Variants in RBFOX3 observed in about 807,000 individuals in gnomAD.
The protein encoded by RBFOX3 is RNA binding protein fox-1 homolog 3.
A neutral mutation model predicts 48.7 loss-of-function variants in RBFOX3; 17 were observed. That is an observed-to-expected ratio of 0.35 (90% confidence interval 0.24 to 0.52). The LOEUF is 0.52. Among genes scored for constraint, RBFOX3 ranks in the 20% least tolerant of loss-of-function variants. The pLI is 0.94. For synonymous variants in RBFOX3, 212 were observed against 209.5 expected, an observed-to-expected ratio of 1.01 and a Z score of -0.10; for missense variants, 382 against 497.5, an observed-to-expected ratio of 0.77 and a Z score of 2.21.
chr17:79,295,362 G>A (rs948523676), intron 3 of RBFOX3, among the ~76,000 whole-genome samples: 5 of 152,206 alleles, frequency 3.3e-5, no homozygotes, highest in African/African-American at 1.2e-4. Flanking sequence ...ATCAAGATTC[G>A]TTTTGTAGGG....
intron 4 of RBFOX3, among the ~76,000 whole-genome samples, chr17:79,194,913 T>TTTTGTTTGTTTG (rs56228526): frequency 0.79 from 120,095 of 151,868 alleles, 47,934 homozygotes; most frequent in Non-Finnish European, 0.85. Context: ...GTGCCCCCAG[T>TTTTGTTTGTTTG]TTTGTTTGTT....
chr17:79,400,857 A>G (rs1306166394), intron 2 of RBFOX3, among the ~76,000 whole-genome samples: 1 of 151,672 alleles, frequency 6.6e-6, no homozygotes, highest in Non-Finnish European at 1.5e-5. Context: ...AAGTCCCCAC[A>G]CTCTCCTAAG....
the RBFOX3 span, among the ~76,000 whole-genome samples, chr17:79,625,787 C>T: frequency 1.7e-4 from 26 of 152,286 alleles, no homozygotes; most frequent in Middle Eastern, 3.4e-3. Flanking sequence ...AGCAAAACTC[C>T]GTCTCAAAAA....
In RBFOX3 at chr17:79,103,377, G is replaced by T. The variant is rs2076799917; in HGVS notation, c.415-123C>A. 2.9e-6 allele frequency: 2 copies of T among 699,990 alleles called. No homozygotes were observed. The highest frequency in any genetic ancestry group is 2.5e-6 in the Non-Finnish European group (1 of 396,888). The allele number at this position is 699,990 out of a possible 1,614,324, so 43.4% of individuals were successfully genotyped here. On this transcript the variant is annotated intron_variant, in intron 7 of 14. Coordinates refer to ENST00000693108, the MANE Select transcript of RBFOX3 (RefSeq NM_001350451.2). The surrounding 1 kb of genome is among the most constrained non-coding windows in gnomAD (Gnocchi z 6.1). ...GGGAGTGGGGAGAGAGAGAGAAGGG[G>T]TTGAGTCAGGTGAGTTGAGGCAGAG...
chr17:79,369,708 C>T (rs1172091327), intron 2 of RBFOX3, among the ~76,000 whole-genome samples: 1 of 152,194 alleles, frequency 6.6e-6, no homozygotes, highest in African/African-American at 2.4e-5. Context: ...TGCCTCCCCT[C>T]TCCCTAGAGG....
chr17:79,247,948 C>A (rs1178524163), intron 3 of RBFOX3, among the ~76,000 whole-genome samples: 1 of 152,028 alleles, frequency 6.6e-6, no homozygotes, highest in Admixed American at 6.5e-5. Context: ...AGCACAGTGC[C>A]TGGCCCACAA....
intron 2 of RBFOX3, among the ~76,000 whole-genome samples, chr17:79,381,928 G>A (rs1414604442): frequency 6.6e-6 from 1 of 152,118 alleles, no homozygotes; most frequent in African/African-American, 2.4e-5. Flanking sequence ...ACCGAAACCC[G>A]GTGTCACCAT....
At chr17:79,370,409 C>G (rs2058356283) in intron 2 of RBFOX3, among the ~76,000 whole-genome samples, 1 of 152,208 alleles carries the variant, frequency 6.6e-6, no homozygotes, top group Non-Finnish European at 1.5e-5. Flanking sequence ...CACATCCGAC[C>G]ATGCTCACAT....
At chr17:79,147,720 G>A (rs1046043913) in intron 4 of RBFOX3, among the ~76,000 whole-genome samples, 6 of 152,194 alleles carry the variant, frequency 3.9e-5, no homozygotes, top group African/African-American at 1.2e-4. Context: ...GGCCTTGTCC[G>A]CCACCCACAA....
In RBFOX3 at chr17:79,364,743, T is replaced by C. The variant is rs1365309443; in HGVS notation, c.-174-56919A>G. Among the ~76,000 whole-genome samples the C allele has an allele frequency of 6.6e-6, 1 of 152,136 alleles. No individual in the cohort carries two copies. Among genetic ancestry groups the C allele is most frequent in the Non-Finnish European group, 1.5e-5 (1 of 68,020 alleles). ...GCTGGGGACCTAGAGGAACACATTA[T>C]AGCCCATCCAGCACAGCCTCCAGGG... On this transcript the variant is annotated intron_variant, in intron 2 of 14. Coordinates refer to ENST00000693108, the MANE Select transcript of RBFOX3 (RefSeq NM_001350451.2). This position sits in a 1 kb window ranked among gnomAD's most constrained non-coding sequence, Gnocchi z 5.1.
At chr17:79,353,957 T>A (rs190471961) in intron 2 of RBFOX3, among the ~76,000 whole-genome samples, 199 of 152,314 alleles carry the variant, frequency 1.3e-3, no homozygotes, top group African/African-American at 4.2e-3. Context: ...TCTCAGGAGA[T>A]CTTCCCTTTC....
intron 4 of RBFOX3, among the ~76,000 whole-genome samples, chr17:79,157,893 G>C (rs1465201841): frequency 6.6e-6 from 1 of 152,244 alleles, no homozygotes; most frequent in Non-Finnish European, 1.5e-5. Context: ...CTGCAAGCTA[G>C]GATGGGGCTA....
Position 79,218,697 on chromosome 17 carries a change from T to C in RBFOX3, c.-34+17069A>G, listed in dbSNP as rs1600074540. Reference sequence around the variant, plus strand: ...AGGGAGGTCAGGGAACAGGGTTCCATTCTGCCTGCAGGCTCAGGGAATGTC... The same window carrying C: ...AGGGAGGTCAGGGAACAGGGTTCCACTCTGCCTGCAGGCTCAGGGAATGTC... On this transcript the variant is annotated intron_variant, in intron 4 of 14. Coordinates refer to ENST00000693108, the MANE Select transcript of RBFOX3 (RefSeq NM_001350451.2). Among the ~76,000 whole-genome samples the C allele has an allele frequency of 4.6e-5, 7 of 152,270 alleles. No individual in the cohort carries two copies. The South Asian group carries it at 1.5e-3, about 32-fold the overall frequency.
In RBFOX3 at chr17:79,392,958, C is replaced by G. The variant is rs2061530626; in HGVS notation, c.-174-85134G>C. Among the ~76,000 whole-genome samples the G allele has an allele frequency of 6.6e-6, 1 of 152,118 alleles. No individual in the cohort carries two copies. Among genetic ancestry groups the G allele is most frequent in the Admixed American group, 6.5e-5 (1 of 15,272 alleles). On this transcript the variant is annotated intron_variant, in intron 2 of 14. Coordinates refer to ENST00000693108, the MANE Select transcript of RBFOX3 (RefSeq NM_001350451.2). This position sits in a 1 kb window ranked among gnomAD's most constrained non-coding sequence, Gnocchi z 5.0. ...AGTTAACGAACACACATTTCCTTTC[C>G]CCAAACCTAAACTACCAAGCAAGAG...
intron 2 of RBFOX3, among the ~76,000 whole-genome samples, chr17:79,410,678 T>G (rs1247921453): frequency 1.3e-5 from 2 of 152,136 alleles, no homozygotes; most frequent in Non-Finnish European, 2.9e-5. Context: ...AAAGTGGCCT[T>G]CAGAAAAATG....
chr17:79,165,639 C>T (rs1046571476), intron 4 of RBFOX3, among the ~76,000 whole-genome samples: 16 of 152,218 alleles, frequency 1.1e-4, no homozygotes, highest in African/African-American at 3.1e-4. Context: ...ATTCTGGCTT[C>T]GCCGGCCGGG....
intron 2 of RBFOX3, among the ~76,000 whole-genome samples, chr17:79,381,424 C>T (rs1025603035): frequency 2.6e-4 from 39 of 152,282 alleles, no homozygotes; most frequent in South Asian, 4.1e-4. Flanking sequence ...AAGCCCAGCG[C>T]GTGTGTCCCC....
chr17:79,412,415 T>A (rs1156967781), intron 2 of RBFOX3, among the ~76,000 whole-genome samples: 6 of 140,736 alleles, frequency 4.3e-5, no homozygotes, highest in African/African-American at 1.6e-4. Context: ...TGAGTGAATG[T>A]GTGTGAGGTG....
At chr17:79,448,822 C>G (rs2149108503) in intron 2 of RBFOX3, among the ~76,000 whole-genome samples, 1 of 152,308 alleles carries the variant, frequency 6.6e-6, no homozygotes, top group Middle Eastern at 3.4e-3. Flanking sequence ...GGCCATCTCC[C>G]TCTCCCCACC....
Sources: allele counts gnomAD v4.1 joint callset (sites outside exome capture counted in the v4.1 genomes callset), GRCh38; gene constraint gnomAD v4.1.1; non-coding constraint Gnocchi (gnomAD v3.1); transcripts MANE v1.5; gene names NCBI Gene and HGNC (gene_info 2026-07-23, HGNC 2026-07-21).